The following KIF26B variants were observed in gnomAD, a reference collection of about 807,000 sequenced individuals.
KIF26B encodes kinesin-like protein KIF26B.
A neutral mutation model predicts 151.2 loss-of-function variants in KIF26B; 63 were observed. That is an observed-to-expected ratio of 0.42 (90% CI 0.34 to 0.51). KIF26B has a LOEUF of 0.51. Ranked by LOEUF, KIF26B falls within the 20% of genes least tolerant of loss-of-function variation. The probability of loss-of-function intolerance (pLI) is 0.07; values close to 1 mark genes in which losing one functional copy is unlikely to be tolerated. For missense variants in KIF26B, 2,813 were observed against 2,913.6 expected (o/e 0.97, Z 0.79); for synonymous variants, 1,357 against 1,262.1 (o/e 1.08, Z -1.59).
chr1:245,539,005 T>C (rs1172440851), intron 4 of KIF26B, among the ~76,000 whole-genome samples: 3 of 151,758 alleles, frequency 2.0e-5, no homozygotes, highest in East Asian at 3.9e-4. Flanking sequence ...AGCAATGAGA[T>C]GAAAAAAAAA....
At chr1:245,346,170 C>A (rs1338873675) in intron 2 of KIF26B, among the ~76,000 whole-genome samples, 1 of 152,028 alleles carries the variant, frequency 6.6e-6, no homozygotes, top group African/African-American at 2.4e-5. Context: ...GTCTTGAACT[C>A]CTGACCTCGT....
At chr1:245,491,768 C>T (rs1315645424) in intron 4 of KIF26B, among the ~76,000 whole-genome samples, 4 of 152,060 alleles carry the variant, frequency 2.6e-5, no homozygotes, top group South Asian at 4.1e-4. Context: ...ATTACCCAGG[C>T]GTGGTGGCGG....
intron 5 of KIF26B, among the ~76,000 whole-genome samples, chr1:245,590,048 G>A (rs988889957): frequency 1.3e-5 from 2 of 151,950 alleles, no homozygotes; most frequent in Admixed American, 6.6e-5. Context: ...AACGACAGTC[G>A]TAACACATGA....
intron 2 of KIF26B, among the ~76,000 whole-genome samples, chr1:245,169,960 C>T (rs968233922): frequency 3.3e-5 from 5 of 152,082 alleles, no homozygotes; most frequent in Non-Finnish European, 7.4e-5. Flanking sequence ...TGACACTACA[C>T]TCCGTGAGCG....
intron 2 of KIF26B, among the ~76,000 whole-genome samples, chr1:245,302,571 A>G (rs1034628051): frequency 1.4e-4 from 22 of 152,202 alleles, no homozygotes; most frequent in Admixed American, 1.4e-3. Context: ...TAGCTTTCTC[A>G]TCACAGTCCT....
chr1:245,647,111 A>G (rs1274721305), intron 10 of KIF26B, among the ~76,000 whole-genome samples: 1 of 152,238 alleles, frequency 6.6e-6, no homozygotes, highest in African/African-American at 2.4e-5. Context: ...TATAAGGCTC[A>G]AAATGATAAA....
Position 245,166,706 on chromosome 1 carries a change from C to G in KIF26B, c.465+10023C>G, listed in dbSNP as rs933766220. The stretch of plus-strand genomic sequence containing the variant: ...TATCTGCCTTCCAATCCAGCTTTAT[C>G]TGTCTCAGACGGTTTTCTTTGCAGT... On this transcript the variant is annotated intron_variant, in intron 2 of 14. Transcript: ENST00000407071. This position sits in a 1 kb window ranked among gnomAD's most constrained non-coding sequence, Gnocchi z 4.5. Among the ~76,000 whole-genome samples the G allele has an allele frequency of 2.0e-5, 3 of 152,326 alleles. No homozygotes were observed. In the East Asian group the frequency reaches 5.8e-4, roughly 29 times the overall value.
chr1:245,606,297 T>C lies in KIF26B; in HGVS notation c.1558-1354T>C, dbSNP rs914806599. On this transcript the variant is annotated intron_variant, in intron 6 of 14. Coordinates refer to ENST00000407071, the MANE Select transcript of KIF26B (RefSeq NM_018012.4). This position sits in a 1 kb window ranked among gnomAD's most constrained non-coding sequence, Gnocchi z 4.6. ...GGAGAGAAAACTGATTTCCAAATAC[T>C]TGGGTTCACTGTGCTGCTGAATAAC... 5.9e-5 allele frequency among the ~76,000 whole-genome samples: 9 copies of C among 152,302 alleles called. No individual in the cohort carries two copies. Among genetic ancestry groups the C allele is most frequent in the Middle Eastern group, 3.4e-3 (1 of 294 alleles).
intron 2 of KIF26B, among the ~76,000 whole-genome samples, chr1:245,186,883 G>A (rs896729201): frequency 6.6e-6 from 1 of 150,896 alleles, no homozygotes; most frequent in Non-Finnish European, 1.5e-5. Context: ...CTGAGACAGA[G>A]TCTCTCTCTG....
At chr1:245,169,470 G>A (rs1435173942) in intron 2 of KIF26B, among the ~76,000 whole-genome samples, 1 of 152,004 alleles carries the variant, frequency 6.6e-6, no homozygotes, top group Non-Finnish European at 1.5e-5. Flanking sequence ...TTTATTGGAG[G>A]TCAAGGCAGC....
intron 3 of KIF26B, among the ~76,000 whole-genome samples, chr1:245,411,846 T>C (rs768759101): frequency 2.6e-5 from 4 of 152,200 alleles, no homozygotes; most frequent in African/African-American, 4.8e-5. Flanking sequence ...ATAAGGCTTA[T>C]GTGGACTCTA....
At chr1:245,588,221 T>C (rs1473654367) in intron 5 of KIF26B, among the ~76,000 whole-genome samples, 1 of 152,154 alleles carries the variant, frequency 6.6e-6, no homozygotes, top group East Asian at 1.9e-4. Context: ...TCACATTGAG[T>C]TGGTACTTCC....
chr1:245,465,954 G>A (rs1402587834), intron 4 of KIF26B, among the ~76,000 whole-genome samples: 5 of 152,238 alleles, frequency 3.3e-5, no homozygotes, highest in Non-Finnish European at 7.3e-5. Flanking sequence ...GCTTGCATCC[G>A]TCTGCCTCCT....
intron 4 of KIF26B, among the ~76,000 whole-genome samples, chr1:245,435,053 CTCCA>C (rs60351520): frequency 0.15 from 20,134 of 132,252 alleles, 1,356 homozygotes; most frequent in South Asian, 0.19. Context: ...CCATCCATCT[CTCCA>C]TCCATCCATC....
intron 2 of KIF26B, among the ~76,000 whole-genome samples, chr1:245,259,764 T>C (rs1670599015): frequency 6.6e-6 from 1 of 151,830 alleles, no homozygotes; most frequent in Non-Finnish European, 1.5e-5. Context: ...AAATGCTGTC[T>C]CTGGAAAAAA....
At chr1:245,383,320 A>T (rs1673461086) in intron 3 of KIF26B, among the ~76,000 whole-genome samples, 1 of 152,136 alleles carries the variant, frequency 6.6e-6, no homozygotes, top group African/African-American at 2.4e-5. Flanking sequence ...AAACCGAGGC[A>T]TCCCTCACGT....
At chr1:245,383,143 T>C (rs1049268605) in intron 3 of KIF26B, among the ~76,000 whole-genome samples, 2 of 151,906 alleles carry the variant, frequency 1.3e-5, no homozygotes, top group Non-Finnish European at 2.9e-5. Context: ...GCTCTCTGCT[T>C]ATTGCAGCCC....
chr1:245,168,527 A>G (rs190362282), intron 2 of KIF26B, among the ~76,000 whole-genome samples: 149 of 152,346 alleles, frequency 9.8e-4, no homozygotes, highest in African/African-American at 3.5e-3. Context: ...CTTAGAAATA[A>G]GGATGTTTTG....
rs1359002019 is a variant in KIF26B, at chr1:245,646,212, T to G, written c.2190T>G (p.Cys730Trp). ...ATCGAGAAGGAGGCTCAGGGCTGTG[T>G]CTCTCGCTGTCTGCTCTGGGCAATG... ...SKNREGGSGL[C>W]LSLSALGNVI... is the part of the protein sequence containing the mutation. The change falls in exon 10 of 15, where the codon TGT becomes TGG. Residue 730 changes from cysteine (C) to tryptophan (W), a missense_variant. By Grantham distance (215) the Cys-to-Trp change is radical. Coordinates refer to ENST00000407071, the MANE Select transcript of KIF26B (RefSeq NM_018012.4). 1.2e-5 allele frequency: 20 copies of G among 1,613,874 alleles called. No individual in the cohort carries two copies. Among genetic ancestry groups the G allele is most frequent in the Non-Finnish European group, 1.7e-5 (20 of 1,179,896 alleles).
Sources: allele counts gnomAD v4.1 joint callset (sites outside exome capture counted in the v4.1 genomes callset), GRCh38; gene constraint gnomAD v4.1.1; non-coding constraint Gnocchi (gnomAD v3.1); transcripts MANE v1.5; gene names NCBI Gene and HGNC (gene_info 2026-07-23, HGNC 2026-07-21).